Variants in PLCH1 observed in about 807,000 individuals in gnomAD.
PLCH1 encodes phospholipase C eta 1.
Under a neutral mutation model 126.7 loss-of-function variants are expected in PLCH1, and 60 were observed. That is an observed-to-expected ratio of 0.47 (90% CI 0.38 to 0.59). PLCH1 has a LOEUF of 0.59. Ranked by LOEUF, PLCH1 falls within the 20% of genes least tolerant of loss-of-function variation. PLCH1 has a pLI of 0.00. For missense variants in PLCH1, 1,723 were observed against 2,040.0 expected (o/e 0.84, Z 2.99); for synonymous variants, 719 against 734.9 (o/e 0.98, Z 0.35).
intron 2 of PLCH1, among the ~76,000 whole-genome samples, chr3:155,681,000 A>C (rs775963965): frequency 2.0e-5 from 3 of 152,196 alleles, no homozygotes; most frequent in Non-Finnish European, 2.9e-5. Context: ...ACTAACTACT[A>C]ATGTTACTTT....
At chr3:155,556,868 A>C (rs560505235) in intron 8 of PLCH1, among the ~76,000 whole-genome samples, 1 of 152,194 alleles carries the variant, frequency 6.6e-6, no homozygotes, top group Admixed American at 6.5e-5. Flanking sequence ...ACGAATCTCA[A>C]TCTCTTGCTT....
chr3:155,519,241 T>C (rs1310043315), intron 11 of PLCH1, among the ~76,000 whole-genome samples: 2 of 152,130 alleles, frequency 1.3e-5, no homozygotes, highest in Non-Finnish European at 2.9e-5. Context: ...CTGAAAGCCA[T>C]ATGTATCTTG....
At chr3:155,520,186 T>G (rs1435835408) in intron 11 of PLCH1, among the ~76,000 whole-genome samples, 1 of 152,204 alleles carries the variant, frequency 6.6e-6, no homozygotes, top group Non-Finnish European at 1.5e-5. Flanking sequence ...ACTCAATGAA[T>G]GCTTTCAACA....
intron 2 of PLCH1, among the ~76,000 whole-genome samples, chr3:155,611,829 A>G (rs1480929514): frequency 1.3e-5 from 2 of 152,234 alleles, no homozygotes; most frequent in African/African-American, 2.4e-5. Context: ...TTAAACCACA[A>G]TGGAATAAAA....
In PLCH1 at chr3:155,514,793, T is replaced by A. The variant is rs1173534599; in HGVS notation, c.1562A>T (p.Asp521Val). The change falls in exon 12 of 23, where the codon GAT becomes GTT. Residue 521 changes from aspartate (D) to valine (V), a missense_variant. Transcript: ENST00000460012. ...TGCCCGCACTGTGAAACTATCAGGA[T>A]CTTCTTTATCTCGAATTTGAGATTC... ...LKESQIRDKE[D>V]PDSFTVRALL... 6.2e-7 allele frequency: 1 copy of A among 1,613,390 alleles called. No individual in the cohort carries two copies.
At chr3:155,733,318 T>C (rs1319670026) in intron 1 of PLCH1, among the ~76,000 whole-genome samples, 1 of 152,124 alleles carries the variant, frequency 6.6e-6, no homozygotes, top group Non-Finnish European at 1.5e-5. Context: ...TTTCAAAATA[T>C]ACCACACAAA....
At chr3:155,633,916 A>C (rs193149523) in intron 2 of PLCH1, among the ~76,000 whole-genome samples, 63 of 152,332 alleles carry the variant, frequency 4.1e-4, no homozygotes, top group African/African-American at 1.5e-3. Flanking sequence ...TCTGTCTCAA[A>C]AAACAAACAA....
intron 21 of PLCH1, 150 bp downstream of exon 21, chr3:155,487,878 G>A (rs1715503184): frequency 3.4e-6 from 2 of 595,984 alleles, no homozygotes; most frequent in Admixed American, 2.8e-5. Flanking sequence ...GGACATGACT[G>A]GAATAGCAGA....
intron 15 of PLCH1, among the ~76,000 whole-genome samples, chr3:155,495,226 A>G (rs1246475449): frequency 2.6e-5 from 4 of 152,196 alleles, no homozygotes; most frequent in Non-Finnish European, 5.9e-5. Flanking sequence ...GTAAAAGTAC[A>G]TGAAGCCTGT....
At chr3:155,467,094 A>G (rs1241812188) in intron 21 of PLCH1, among the ~76,000 whole-genome samples, 1 of 152,102 alleles carries the variant, frequency 6.6e-6, no homozygotes, top group African/African-American at 2.4e-5. Context: ...AGGCATAAAA[A>G]CAGAACTTCC....
At chr3:155,576,880 T>C (rs1273870119) in intron 6 of PLCH1, among the ~76,000 whole-genome samples, 1 of 152,206 alleles carries the variant, frequency 6.6e-6, no homozygotes, top group Non-Finnish European at 1.5e-5. Context: ...GCTATTTTCT[T>C]AGGATGAATT....
In PLCH1 at chr3:155,704,255, C is replaced by T; in HGVS notation, c.-31G>A. 2 of 997,570 alleles carry T rather than the reference C, an allele frequency of 2.0e-6. No individual in the cohort carries two copies. The highest frequency in any genetic ancestry group is 2.6e-6 in the Non-Finnish European group (2 of 773,830). The allele number at this position is 997,570 out of a possible 1,614,324, so 61.8% of individuals were successfully genotyped here. On this transcript the variant is annotated 5_prime_UTR_variant, in exon 2 of 23. Transcript: ENST00000460012. Reference sequence around the variant, plus strand: ...GAAGATTTCTGGCACAGCATCAAAACCAAATTGCCCTGTCAAGGGAAACAG... The same window carrying T: ...GAAGATTTCTGGCACAGCATCAAAATCAAATTGCCCTGTCAAGGGAAACAG...
intron 2 of PLCH1, among the ~76,000 whole-genome samples, chr3:155,696,477 A>T (rs1465616497): frequency 6.6e-6 from 1 of 152,196 alleles, no homozygotes; most frequent in Non-Finnish European, 1.5e-5. Flanking sequence ...TCATGGAAAG[A>T]TTTTTCATCC....
intron 14 of PLCH1, among the ~76,000 whole-genome samples, 173 bp from the exon 15 acceptor site, chr3:155,497,590 A>C (rs1382892990): frequency 1.3e-5 from 2 of 152,192 alleles, no homozygotes; most frequent in East Asian, 3.8e-4. Context: ...TGCTCTTTCC[A>C]CCACAAAATC....
At chr3:155,650,531 C>G (rs1160462134) in intron 2 of PLCH1, among the ~76,000 whole-genome samples, 1 of 151,918 alleles carries the variant, frequency 6.6e-6, no homozygotes, top group African/African-American at 2.4e-5. Flanking sequence ...CTGGAATAAG[C>G]CTTAAGTCAC....
chr3:155,522,204 C>T (rs574316847), intron 11 of PLCH1, among the ~76,000 whole-genome samples: 1 of 150,592 alleles, frequency 6.6e-6, no homozygotes, highest in African/African-American at 2.5e-5. Context: ...AAATCAGAGA[C>T]AAAAATCTGG....
At chr3:155,535,372 C>T (rs1372841121) in intron 10 of PLCH1, among the ~76,000 whole-genome samples, 1 of 152,210 alleles carries the variant, frequency 6.6e-6, no homozygotes, top group Non-Finnish European at 1.5e-5. Flanking sequence ...CTTGCTTTCT[C>T]AGTGGGGAGG....
At chr3:155,469,734 CG>C (rs1649689329) in intron 21 of PLCH1, among the ~76,000 whole-genome samples, 1 of 149,530 alleles carries the variant, frequency 6.7e-6, no homozygotes. Flanking sequence ...GATCTGAGAA[CG>C]GGCAGACTGC....
At chr3:155,511,776 A>G (rs1719555409) in intron 12 of PLCH1, among the ~76,000 whole-genome samples, 1 of 149,464 alleles carries the variant, frequency 6.7e-6, no homozygotes, top group Admixed American at 6.6e-5. Context: ...AGGGACACTT[A>G]AGTCTGCAGA....
Sources: allele counts gnomAD v4.1 joint callset (sites outside exome capture counted in the v4.1 genomes callset), GRCh38; gene constraint gnomAD v4.1.1; transcripts MANE v1.5; gene names NCBI Gene and HGNC (gene_info 2026-07-23, HGNC 2026-07-21).